FRMD6: variants seen among roughly 807,000 people sequenced by gnomAD.
The protein encoded by FRMD6 is FERM domain containing 6.
Under a neutral mutation model 73.2 loss-of-function variants are expected in FRMD6, and 37 were observed. The ratio of observed to expected loss-of-function variants is 0.51; its 90% CI spans 0.39 to 0.66. FRMD6 has a LOEUF of 0.66. FRMD6 is among the 30% of genes least tolerant of loss of function. The pLI is 0.00. For missense variants in FRMD6, 714 were observed against 780.5 expected (o/e 0.91, Z 1.02); for synonymous variants, 273 against 282.2 (o/e 0.97, Z 0.33).
Position 51,660,613 on chromosome 14 carries a change from GAAAA to G in FRMD6, c.-147+8632_-147+8635del, listed in dbSNP as rs10605746. 9.3e-4 allele frequency among the ~76,000 whole-genome samples: 130 copies of G among 139,564 alleles called. No individual in the cohort carries two copies. The Middle Eastern group carries it at 0.019, about 20-fold the overall frequency. The allele number at this position is 139,564 out of a possible 152,430, so 91.6% of individuals were successfully genotyped here. ...AGAGATGTCAGTGAATAAAATAAAG[GAAAA>G]AAAAAAAAAAAAAATTCTGCCTTCG... is the stretch of plus-strand genomic sequence containing the variant. On this transcript the variant is annotated intron_variant, in intron 1 of 13. Transcript: ENST00000344768.
At chr14:51,480,283 G>A in the FRMD6 span, among the ~76,000 whole-genome samples, 1 of 152,158 alleles carries the variant, frequency 6.6e-6, no homozygotes, top group South Asian at 2.1e-4. Context: ...CAGGGTATAC[G>A]TACATGTGTA....
rs140039287 is a variant in FRMD6, at chr14:51,597,381, C to T, written c.-147+26971C>T. On this transcript the variant is annotated intron_variant, in intron 2 of 14. Coordinates refer to the FRMD6 transcript ENST00000356218. ...GTCGCTCCCTGGAGGAGACAGCATC[C>T]GCCCTTCATTTTGAAGGCTATATAG... Among the ~76,000 whole-genome samples the T allele has an allele frequency of 6.3e-3, 959 of 152,290 alleles. 12 individuals carry two copies. The highest frequency in any genetic ancestry group is 0.021 in the African/African-American group (871 of 41,544).
At chr14:51,412,998 T>A in the FRMD6 span, among the ~76,000 whole-genome samples, 7 of 149,486 alleles carry the variant, frequency 4.7e-5, no homozygotes, top group Middle Eastern at 3.4e-3. Flanking sequence ...AAATTTTTTT[T>A]TTTTTTTTTT....
chr14:51,630,372 T>C (rs1041747741), intron 2 of FRMD6, among the ~76,000 whole-genome samples: 2 of 151,874 alleles, frequency 1.3e-5, no homozygotes, highest in Non-Finnish European at 2.9e-5. Context: ...AGATAGTGAG[T>C]GAAGCTGGGA....
chr14:51,428,995 G>GAGAGAGAGA, the FRMD6 span, among the ~76,000 whole-genome samples: 1 of 136,078 alleles, frequency 7.3e-6, no homozygotes, highest in African/African-American at 2.8e-5. Context: ...GAGAGAGGGT[G>GAGAGAGAGA]GGAGAGAGAG....
chr14:51,622,059 C>T (rs539475645), intron 2 of FRMD6, among the ~76,000 whole-genome samples: 123 of 152,304 alleles, frequency 8.1e-4, no homozygotes, highest in South Asian at 1.0e-3. Context: ...ATCAGTGATA[C>T]CACATCTGGG....
chr14:51,673,417 T>C (rs1894162918), intron 1 of FRMD6, among the ~76,000 whole-genome samples: 1 of 152,106 alleles, frequency 6.6e-6, no homozygotes. Flanking sequence ...CCTCCCAAAC[T>C]TTTCTCTTTA....
chr14:51,630,736 A>T (rs1891304604), intron 2 of FRMD6, among the ~76,000 whole-genome samples: 1 of 152,174 alleles, frequency 6.6e-6, no homozygotes, highest in African/African-American at 2.4e-5. Flanking sequence ...GCAAAATGAG[A>T]TCCTGTCTCT....
At chr14:51,470,050 A>C in the FRMD6 span, among the ~76,000 whole-genome samples, 260 of 152,292 alleles carry the variant, frequency 1.7e-3, 4 homozygotes, top group African/African-American at 6.1e-3. Flanking sequence ...TTTTTTATTT[A>C]ATCTAAAAAC....
At chr14:51,505,698 A>G (rs1049348342) in intron 1 of FRMD6, among the ~76,000 whole-genome samples, 4 of 152,092 alleles carry the variant, frequency 2.6e-5, no homozygotes, top group African/African-American at 9.7e-5. Context: ...CTAAACCTAA[A>G]TGCATCCTTT....
At chr14:51,631,842 A>C (rs67923820) in intron 2 of FRMD6, among the ~76,000 whole-genome samples, 32,017 of 152,178 alleles carry the variant, frequency 0.21, 3,628 homozygotes, top group African/African-American at 0.31. Flanking sequence ...GAAAATTAGC[A>C]AAAGTGACTA....
At chr14:51,577,818 T>C (rs764000186) in intron 2 of FRMD6, among the ~76,000 whole-genome samples, 21 of 152,186 alleles carry the variant, frequency 1.4e-4, no homozygotes, top group Non-Finnish European at 1.9e-4. Context: ...TACTTTAAGT[T>C]CTGGGATACA....
At chr14:51,623,282 A>T (rs1000095125) in intron 2 of FRMD6, among the ~76,000 whole-genome samples, 2 of 152,266 alleles carry the variant, frequency 1.3e-5, no homozygotes, top group African/African-American at 4.8e-5. Context: ...AAATGAGATT[A>T]TCGCATTGGA....
intron 5 of FRMD6, among the ~76,000 whole-genome samples, chr14:51,703,619 A>G (rs767679903): frequency 2.6e-5 from 4 of 152,076 alleles, no homozygotes; most frequent in Non-Finnish European, 5.9e-5. Flanking sequence ...GCTAAGTTTT[A>G]ATGCATCCCT....
chr14:51,436,089 C>G, the FRMD6 span: 1 of 206,632 alleles, frequency 4.8e-6, no homozygotes, highest in Non-Finnish European at 9.5e-6. Flanking sequence ...GAAACCAAGA[C>G]CACCTCCTGC....
chr14:51,680,541 A>C (rs765100517), intron 1 of FRMD6, among the ~76,000 whole-genome samples: 4 of 152,216 alleles, frequency 2.6e-5, no homozygotes, highest in Non-Finnish European at 5.9e-5. Context: ...CACTTTAACA[A>C]GTGCTAGAGT....
At chr14:51,629,282 T>C (rs1047893613) in intron 2 of FRMD6, among the ~76,000 whole-genome samples, 37 of 152,236 alleles carry the variant, frequency 2.4e-4, no homozygotes, top group African/African-American at 4.3e-4. Context: ...CATGCACCAA[T>C]TGAAGGACAT....
intron 9 of FRMD6, chr14:51,713,781 A>T (rs1897090305): frequency 6.6e-6 from 1 of 152,162 alleles, no homozygotes; most frequent in African/African-American, 2.4e-5. Flanking sequence ...GTCTCCTCCT[A>T]ACTGGCTCTT....
chr14:51,431,563 G>T, the FRMD6 span, among the ~76,000 whole-genome samples: 3 of 152,140 alleles, frequency 2.0e-5, no homozygotes, highest in Non-Finnish European at 2.9e-5. Context: ...AACCAATGTT[G>T]CAGTGAAAGT....
Sources: allele counts gnomAD v4.1 joint callset (sites outside exome capture counted in the v4.1 genomes callset), GRCh38; gene constraint gnomAD v4.1.1; transcripts MANE v1.5; gene names NCBI Gene and HGNC (gene_info 2026-07-23, HGNC 2026-07-21).